Variants in GRM3 observed in about 807,000 individuals in gnomAD.
GRM3 encodes glutamate metabotropic receptor 3, also known as metabotropic glutamate receptor 3.
In GRM3, 26 loss-of-function variants were observed where a neutral mutation model predicts 70.5. The observed-to-expected ratio is 0.37, with a 90% confidence interval of 0.27 to 0.51. The LOEUF (loss-of-function observed/expected upper bound fraction) is 0.51. GRM3 is among the 20% of genes least tolerant of loss of function. GRM3 has a pLI of 0.93. For synonymous variants in GRM3, 443 were observed against 434.9 expected, an observed-to-expected ratio of 1.02 and a Z score of -0.23; for missense variants, 859 against 1,123.8, an observed-to-expected ratio of 0.76 and a Z score of 3.37.
chr7:86,855,641 T>G (rs1049616018), intron 5 of GRM3, among the ~76,000 whole-genome samples: 1 of 152,112 alleles, frequency 6.6e-6, no homozygotes, highest in Non-Finnish European at 1.5e-5. Context: ...TTTTTCGCAT[T>G]ATAAAAAGAA....
intron 1 of GRM3, among the ~76,000 whole-genome samples, chr7:86,697,298 A>G (rs1220253442): frequency 6.6e-6 from 1 of 152,048 alleles, no homozygotes; most frequent in Non-Finnish European, 1.5e-5. Flanking sequence ...AAAGCAAAAA[A>G]AAAAAAAGAT....
At chr7:86,805,910 C>T (rs1395525204) in intron 3 of GRM3, among the ~76,000 whole-genome samples, 1 of 150,826 alleles carries the variant, frequency 6.6e-6, no homozygotes, top group Non-Finnish European at 1.5e-5. Context: ...CCCCGCACCC[C>T]ACGACAGGCC....
At chr7:86,724,844 C>T (rs1795555821) in intron 1 of GRM3, among the ~76,000 whole-genome samples, 1 of 152,044 alleles carries the variant, frequency 6.6e-6, no homozygotes, top group South Asian at 2.1e-4. Flanking sequence ...GTGTGGTCTT[C>T]TAACGTTGCC....
chr7:86,690,081 C>G (rs1174826633), intron 1 of GRM3, among the ~76,000 whole-genome samples: 1 of 151,094 alleles, frequency 6.6e-6, no homozygotes, highest in African/African-American at 2.4e-5. Flanking sequence ...AAAAAGTTTC[C>G]ACGACAAACA....
At chr7:86,760,188 C>T (rs1796444386) in intron 1 of GRM3, among the ~76,000 whole-genome samples, 1 of 152,016 alleles carries the variant, frequency 6.6e-6, no homozygotes, top group Non-Finnish European at 1.5e-5. Context: ...GGATAAACTA[C>T]TTTTGTATTG....
chr7:86,764,856 A>G lies in GRM3; in HGVS notation c.-140-150A>G, dbSNP rs1796562374. Reference sequence around the variant, plus strand: ...GAGTGTGTAAGGATGGGGTGAGAATACCTGTGAGAGAGTGCCTGGTGCTGT... The same window carrying G: ...GAGTGTGTAAGGATGGGGTGAGAATGCCTGTGAGAGAGTGCCTGGTGCTGT... On this transcript the variant is annotated intron_variant, in intron 1 of 5. Coordinates refer to ENST00000361669, the MANE Select transcript of GRM3 (RefSeq NM_000840.3). The G allele has an allele frequency of 8.6e-6, 3 of 347,216 alleles. No homozygotes were observed. In the South Asian group the frequency reaches 1.9e-4, roughly 21 times the overall value. 21.5% of individuals were successfully genotyped at this position (347,216 alleles called of 1,614,324 possible).
At chr7:86,798,055 G>C (rs748026936) in intron 3 of GRM3, among the ~76,000 whole-genome samples, 8 of 152,228 alleles carry the variant, frequency 5.3e-5, no homozygotes, top group Middle Eastern at 3.2e-3. Context: ...AGGATGTATG[G>C]AAACACCTGG....
At chr7:86,709,621 C>T (rs1468395848) in intron 1 of GRM3, among the ~76,000 whole-genome samples, 1 of 152,026 alleles carries the variant, frequency 6.6e-6, no homozygotes, top group African/African-American at 2.4e-5. Context: ...AAGATGGACA[C>T]CTGAGATTCT....
intron 1 of GRM3, among the ~76,000 whole-genome samples, chr7:86,753,004 T>C (rs41381245): frequency 0.01 from 1,584 of 152,166 alleles, 23 homozygotes; most frequent in African/African-American, 0.036. Flanking sequence ...TGGCATATTA[T>C]GGTATTTAGC....
intron 1 of GRM3, among the ~76,000 whole-genome samples, chr7:86,694,520 AAAAAAAAAG>A (rs1366594063): frequency 3.4e-5 from 5 of 145,968 alleles, no homozygotes; most frequent in Non-Finnish European, 6.0e-5. Flanking sequence ...TCAAAAAAAA[AAAAAAAAAG>A]AAAAGAAAGA....
chr7:86,765,662 A>G (rs1396209670), intron 2 of GRM3, 49 bp downstream of exon 2: 9 of 1,525,092 alleles, frequency 5.9e-6, no homozygotes, highest in Non-Finnish European at 7.2e-6. Flanking sequence ...CTTTGCTTTT[A>G]TGTGTTGGGG....
Position 86,816,346 on chromosome 7 carries a change from T to C in GRM3, c.1325-22493T>C, listed in dbSNP as rs576638273. 1.2e-4 allele frequency among the ~76,000 whole-genome samples: 18 copies of C among 151,972 alleles called. No homozygotes were observed. In the East Asian group the frequency reaches 2.7e-3, roughly 23 times the overall value. On this transcript the variant is annotated intron_variant, in intron 3 of 5. Transcript: ENST00000361669. ...TACATGTGCAGATTTATTACATAGG[T>C]AAATTGCATGTCACAGGGATTTGGC...
At chr7:86,651,964 C>A (rs746004411) in intron 1 of GRM3, among the ~76,000 whole-genome samples, 1 of 152,164 alleles carries the variant, frequency 6.6e-6, no homozygotes, top group Non-Finnish European at 1.5e-5. Context: ...AACGTACTAA[C>A]CCTCCAACAC....
intron 1 of GRM3, among the ~76,000 whole-genome samples, chr7:86,658,004 T>C (rs548534543): frequency 1.3e-5 from 2 of 152,308 alleles, no homozygotes; most frequent in South Asian, 2.1e-4. Context: ...TACAGGAAAA[T>C]GTAACAATCA....
chr7:86,841,526 T>G (rs980236304), intron 4 of GRM3, among the ~76,000 whole-genome samples: 6 of 152,074 alleles, frequency 3.9e-5, no homozygotes, highest in African/African-American at 1.4e-4. Flanking sequence ...ATACATCTAG[T>G]CCCATATATC....
At chr7:86,751,074 T>C (rs187453889) in intron 1 of GRM3, among the ~76,000 whole-genome samples, 15 of 152,232 alleles carry the variant, frequency 9.9e-5, no homozygotes, top group African/African-American at 3.1e-4. Context: ...ATCTCTGCTG[T>C]CATCAATTTC....
intron 3 of GRM3, among the ~76,000 whole-genome samples, chr7:86,801,018 C>G (rs1314527508): frequency 6.6e-6 from 1 of 150,742 alleles, no homozygotes; most frequent in African/African-American, 2.4e-5. Flanking sequence ...AACAAGTTGG[C>G]TAGCAACTAG....
intron 1 of GRM3, among the ~76,000 whole-genome samples, chr7:86,733,910 T>C (rs977154961): frequency 6.6e-6 from 1 of 152,250 alleles, no homozygotes; most frequent in African/African-American, 2.4e-5. Context: ...GATCATCTAA[T>C]ACTCCTCAAG....
chr7:86,676,940 T>C (rs2115938795), intron 1 of GRM3, among the ~76,000 whole-genome samples: 1 of 152,144 alleles, frequency 6.6e-6, no homozygotes, highest in South Asian at 2.1e-4. Context: ...TATTTGTACC[T>C]TTTCTACAGT....
Sources: gnomAD v4.1 joint callset for allele counts (sites outside exome capture counted in the v4.1 genomes callset) on GRCh38, gnomAD v4.1.1 for gene constraint, MANE v1.5 for transcripts, NCBI Gene and HGNC (gene_info 2026-07-23, HGNC 2026-07-21) for gene names.